The following RAB27B variants were observed in gnomAD, a reference collection of about 807,000 sequenced individuals.
The protein encoded by RAB27B is ras-related protein Rab-27B.
A neutral mutation model predicts 24.6 loss-of-function variants in RAB27B; 15 were observed. That is an observed-to-expected ratio of 0.61 (90% CI 0.41 to 0.94). The LOEUF is 0.94. Among genes scored for constraint, RAB27B ranks in the 40% least tolerant of loss-of-function variants. The pLI, the probability that RAB27B is intolerant of heterozygous loss-of-function variation, is 0.00. For missense variants in RAB27B, 261 were observed against 266.8 expected, an observed-to-expected ratio of 0.98 and a Z score of 0.15; for synonymous variants, 105 against 92.5, an observed-to-expected ratio of 1.14 and a Z score of -0.78.
In RAB27B at chr18:54,724,318, A is replaced by G. The variant is rs928388495; in HGVS notation, c.-20+6177A>G. On this transcript the variant is annotated intron_variant, in intron 2 of 4. Transcript: ENST00000586570. ...AAACTCAATGTGAGTGGACAATGCA[A>G]TGTGGCTACTAGAAAAGTTAATGTT... 2.0e-5 allele frequency among the ~76,000 whole-genome samples: 3 copies of G among 151,656 alleles called. 1 individual carries two copies. The highest frequency in any genetic ancestry group is 2.1e-4 in the South Asian group (1 of 4,764).
chr18:54,862,059 G>GA (rs34216951), intron 1 of RAB27B, among the ~76,000 whole-genome samples: 4 of 148,758 alleles, frequency 2.7e-5, no homozygotes, highest in African/African-American at 9.9e-5. Context: ...AGCATTTAAA[G>GA]AAAAAAAAAA....
At chr18:54,801,531 A>G (rs576766620) in intron 2 of RAB27B, among the ~76,000 whole-genome samples, 1 of 152,170 alleles carries the variant, frequency 6.6e-6, no homozygotes, top group Non-Finnish European at 1.5e-5. Flanking sequence ...CACACTTACT[A>G]TTGCCCATCT....
intron 2 of RAB27B, among the ~76,000 whole-genome samples, chr18:54,812,816 T>C (rs1910009209): frequency 6.6e-6 from 1 of 152,146 alleles, no homozygotes; most frequent in Non-Finnish European, 1.5e-5. Flanking sequence ...CAAGCACACA[T>C]ATATATGTAT....
intron 2 of RAB27B, among the ~76,000 whole-genome samples, chr18:54,738,386 G>C (rs1161250284): frequency 6.6e-6 from 1 of 152,082 alleles, no homozygotes; most frequent in Admixed American, 6.6e-5. Flanking sequence ...TGGATCATGG[G>C]GGTGGTTTCT....
At chr18:54,754,950 C>T (rs1907955141) in intron 2 of RAB27B, among the ~76,000 whole-genome samples, 1 of 152,134 alleles carries the variant, frequency 6.6e-6, no homozygotes, top group African/African-American at 2.4e-5. Context: ...CTCTCCTAGG[C>T]TCCTGCATCC....
chr18:54,835,011 A>C (rs1388955361), intron 1 of RAB27B, among the ~76,000 whole-genome samples: 1 of 151,966 alleles, frequency 6.6e-6, no homozygotes, highest in Non-Finnish European at 1.5e-5. Flanking sequence ...TGCCCAATCT[A>C]ACTTAGGCAA....
intron 2 of RAB27B, among the ~76,000 whole-genome samples, chr18:54,744,382 C>T (rs747634720): frequency 2.2e-4 from 34 of 152,108 alleles, no homozygotes; most frequent in Non-Finnish European, 4.7e-4. Context: ...CATTTTGAGG[C>T]TTAGACAATA....
chr18:54,734,778 C>T (rs532846279), intron 2 of RAB27B, among the ~76,000 whole-genome samples: 1 of 152,234 alleles, frequency 6.6e-6, no homozygotes, highest in South Asian at 2.1e-4. Flanking sequence ...ACCAAACAAA[C>T]CTAAGTATTT....
At chr18:54,805,773 G>A (rs924324632) in intron 2 of RAB27B, among the ~76,000 whole-genome samples, 10 of 152,140 alleles carry the variant, frequency 6.6e-5, no homozygotes, top group Non-Finnish European at 8.8e-5. Flanking sequence ...GTTATTGTAC[G>A]AAACTTAAGT....
intron 2 of RAB27B, among the ~76,000 whole-genome samples, chr18:54,751,825 TGAG>T (rs1251755742): frequency 1.3e-5 from 2 of 152,210 alleles, no homozygotes; most frequent in Non-Finnish European, 2.9e-5. Context: ...GGAAAGCAGT[TGAG>T]GAGATGACAC....
chr18:54,889,349 T>G lies in RAB27B; in HGVS notation c.593T>G (p.Val198Gly). The change falls in exon 6 of 6, where the codon GTC becomes GGC. Residue 198 changes from valine (V) to glycine (G), a missense_variant. Transcript: ENST00000262094. ...GAGAAGACACAAATCCCTGATACTG[T>G]CAATGGTGGAAATTCTGGAAACTTG... ...CVEKTQIPDT[V>G]NGGNSGNLDG... 6.2e-7 allele frequency: 1 copy of G among 1,613,346 alleles called. No homozygotes were observed. Among genetic ancestry groups the G allele is most frequent in the Non-Finnish European group, 8.5e-7 (1 of 1,179,492 alleles).
chr18:54,831,100 T>A (rs1392864295), intron 1 of RAB27B, among the ~76,000 whole-genome samples: 1 of 152,122 alleles, frequency 6.6e-6, no homozygotes, highest in Non-Finnish European at 1.5e-5. Flanking sequence ...TATGGCACAG[T>A]AGCAAGAAGT....
intron 2 of RAB27B, among the ~76,000 whole-genome samples, chr18:54,772,603 C>T (rs905712475): frequency 6.6e-6 from 1 of 152,162 alleles, no homozygotes; most frequent in African/African-American, 2.4e-5. Flanking sequence ...GACATTTTGC[C>T]TTTAACTAGT....
chr18:54,736,472 A>G (rs1249640509), intron 2 of RAB27B, among the ~76,000 whole-genome samples: 1 of 137,394 alleles, frequency 7.3e-6, no homozygotes. Flanking sequence ...TTCATTTAGT[A>G]AAAAAAAAAG....
intron 2 of RAB27B, among the ~76,000 whole-genome samples, chr18:54,739,774 C>G (rs1189784622): frequency 6.6e-6 from 1 of 152,118 alleles, no homozygotes; most frequent in African/African-American, 2.4e-5. Flanking sequence ...TTCCCATCAG[C>G]ATTTCGTATT....
At chr18:54,777,438 C>A (rs1908751303) in intron 2 of RAB27B, among the ~76,000 whole-genome samples, 1 of 152,230 alleles carries the variant, frequency 6.6e-6, no homozygotes, top group African/African-American at 2.4e-5. Context: ...TGCAGTATTT[C>A]TGCAGCCCAG....
rs116263535 is a variant in RAB27B at position 54,791,814 on chromosome 18, G to A, written c.-20+73673G>A. 3.3e-5 allele frequency among the ~76,000 whole-genome samples: 5 copies of A among 152,282 alleles called. No individual in the cohort carries two copies. The East Asian group carries it at 5.8e-4, about 18-fold the overall frequency. ...CAGAGAGAGGACATCTAGAGCGCAC[G>A]CTGGCTGAAGAGCACACTGGCACAT... On this transcript the variant is annotated intron_variant, in intron 2 of 4. Coordinates refer to the RAB27B transcript ENST00000586570.
intron 2 of RAB27B, among the ~76,000 whole-genome samples, chr18:54,746,262 G>T (rs1055684011): frequency 6.6e-6 from 1 of 152,174 alleles, no homozygotes; most frequent in Non-Finnish European, 1.5e-5. Context: ...TAGATCTCAG[G>T]TATGAGGTAA....
upstream of RAB27B, among the ~76,000 whole-genome samples, chr18:54,825,021 T>G (rs12606230): frequency 6.6e-6 from 1 of 152,036 alleles, no homozygotes; most frequent in Non-Finnish European, 1.5e-5. Context: ...GCACACAGGA[T>G]GTATATTTTT....
Sources: allele counts gnomAD v4.1 joint callset (sites outside exome capture counted in the v4.1 genomes callset), GRCh38; gene constraint gnomAD v4.1.1; transcripts MANE v1.5; gene names NCBI Gene and HGNC (gene_info 2026-07-23, HGNC 2026-07-21).